The following MOB3A variants were observed in gnomAD, a reference collection of about 807,000 sequenced individuals.
MOB3A encodes MOB LAK.
MOB3A carries 17 observed loss-of-function variants against 17.8 expected under a neutral mutation model. The ratio of observed to expected loss-of-function variants is 0.95; its 90% CI spans 0.65 to 1.43. The LOEUF (loss-of-function observed/expected upper bound fraction) is 1.43, where lower values mean the gene tolerates loss of function less well. MOB3A is among the 40% of genes most tolerant of loss of function. The pLI, the probability that MOB3A is intolerant of heterozygous loss-of-function variation, is 0.00. For synonymous variants in MOB3A, 124 were observed against 133.2 expected (o/e 0.93, Z 0.48); for missense variants, 333 against 310.8 (o/e 1.07, Z -0.54).
intron 4 of MOB3A, 137 bp downstream of exon 4, chr19:2,076,674 C>T (rs906652385): frequency 2.5e-6 from 2 of 810,634 alleles, no homozygotes; most frequent in African/African-American, 1.7e-5. Context: ...GCAGGGTCCC[C>T]GGGGCCCAAC....
At chr19:2,087,410 T>G (rs1316432826) in intron 1 of MOB3A, among the ~76,000 whole-genome samples, 2 of 152,128 alleles carry the variant, frequency 1.3e-5, no homozygotes, top group Admixed American at 6.5e-5. Context: ...CCTGGCACTT[T>G]GGGAGGCCAA....
chr19:2,081,468 A>G (rs776683744), intron 2 of MOB3A, among the ~76,000 whole-genome samples: 54 of 152,160 alleles, frequency 3.5e-4, no homozygotes, highest in East Asian at 3.1e-3. Flanking sequence ...GGCGCCTGTA[A>G]TCCCAGCTAC....
At position 2,073,259 on chromosome 19, in the gene MOB3A, C is replaced by G; in HGVS notation, c.*136G>C. On this transcript the variant is annotated 3_prime_UTR_variant, in exon 5 of 5. Coordinates refer to ENST00000357066, the MANE Select transcript of MOB3A (RefSeq NM_130807.3). ...GGGTTGGAGCTCCTGAGGACCAACA[C>G]CTGCTCAGCGGCTCGGCCCCTGGTC... 8.9e-7 allele frequency: 1 copy of G among 1,117,610 alleles called. No individual in the cohort carries two copies. Among genetic ancestry groups the G allele is most frequent in the Non-Finnish European group, 1.3e-6 (1 of 756,682 alleles). The allele number at this position is 1,117,610 out of a possible 1,614,324, so 69.2% of individuals were successfully genotyped here. A position where few individuals can be genotyped will look rare whatever the true frequency, so the allele number is the denominator to read the frequency against.
chr19:2,072,934 A>G lies in MOB3A; in HGVS notation c.*461T>C, dbSNP rs547416334. On this transcript the variant is annotated 3_prime_UTR_variant, in exon 5 of 5. Transcript: ENST00000357066. ...AGCCCCTCAGCCTCTTGCCTCCCCA[A>G]CGGGAGACATGTAGGAGGCCGAGCA... 4.8e-5 allele frequency: 8 copies of G among 166,472 alleles called. No individual in the cohort carries two copies. The highest frequency in any genetic ancestry group is 6.5e-5 in the Non-Finnish European group (5 of 77,206). 10.3% of individuals were successfully genotyped at this position (166,472 alleles called of 1,614,324 possible).
rs2017449861 is a variant in MOB3A at position 2,078,692 on chromosome 19, G to A, written c.-119-13C>T. ...CTCTCCCGCGGACCTGAAATACACA[G>A]GGGAATCATGACCTGCTGGAGGCGA... On this transcript the variant is annotated splice_polypyrimidine_tract_variant and intron_variant, in intron 2 of 4. Transcript: ENST00000357066. 1 of 860,122 alleles carries A rather than the reference G, an allele frequency of 1.2e-6. No homozygotes were observed. Among genetic ancestry groups the A allele is most frequent in the Admixed American group, 2.9e-5 (1 of 33,936 alleles). 53.3% of individuals were successfully genotyped at this position (860,122 alleles called of 1,614,324 possible).
At chr19:2,080,724 C>T (rs753436565) in intron 2 of MOB3A, among the ~76,000 whole-genome samples, 12 of 152,148 alleles carry the variant, frequency 7.9e-5, no homozygotes, top group South Asian at 4.1e-4. Flanking sequence ...TCATCCCTCA[C>T]GATACATGAC....
intron 1 of MOB3A, among the ~76,000 whole-genome samples, chr19:2,090,742 C>A (rs2017604580): frequency 6.6e-6 from 1 of 152,160 alleles, no homozygotes; most frequent in Non-Finnish European, 1.5e-5. Flanking sequence ...CGTCTCACTG[C>A]AACCTCCGCC....
intron 2 of MOB3A, among the ~76,000 whole-genome samples, chr19:2,081,767 C>T (rs570401595): frequency 1.3e-5 from 2 of 152,140 alleles, no homozygotes; most frequent in East Asian, 3.9e-4. Context: ...GCCTGAAATT[C>T]CGGCTACTTG....
At chr19:2,094,320 C>T (rs1180729813) in intron 1 of MOB3A, among the ~76,000 whole-genome samples, 3 of 152,100 alleles carry the variant, frequency 2.0e-5, no homozygotes, top group African/African-American at 7.2e-5. Flanking sequence ...GTGTTGGGAT[C>T]ACAGGCACGA....
chr19:2,096,036 G>A (rs1209313846), intron 1 of MOB3A, among the ~76,000 whole-genome samples, 190 bp downstream of exon 1: 1 of 151,890 alleles, frequency 6.6e-6, no homozygotes, highest in Non-Finnish European at 1.5e-5. Context: ...GAGCCACCGC[G>A]CCCGGCCTCG....
At chr19:2,083,248 T>TC (rs1264282142) in intron 2 of MOB3A, among the ~76,000 whole-genome samples, 1 of 152,090 alleles carries the variant, frequency 6.6e-6, no homozygotes, top group Non-Finnish European at 1.5e-5. Context: ...GCTTATGGTA[T>TC]CCCCCGGGGC....
At chr19:2,086,434 C>A (rs187836549) in intron 1 of MOB3A, among the ~76,000 whole-genome samples, 36 of 151,936 alleles carry the variant, frequency 2.4e-4, no homozygotes, top group African/African-American at 6.5e-4. Context: ...GATCTCGGCT[C>A]ACTGCAACCT....
chr19:2,095,177 A>AAAAC lies in MOB3A; in HGVS notation c.-274+1045_-274+1048dup, dbSNP rs139411390. The AAAAC allele has an allele frequency of 9.7e-3, 1,481 of 152,168 alleles. 18 individuals are homozygous for AAAAC. The highest frequency in any genetic ancestry group is 0.028 in the African/African-American group (1,135 of 41,150). The allele number at this position is 152,168 out of a possible 1,614,324, so 9.4% of individuals were successfully genotyped here. On this transcript the variant is annotated intron_variant, in intron 1 of 4. Coordinates refer to ENST00000357066, the MANE Select transcript of MOB3A (RefSeq NM_130807.3). ...GAGTGAGACTCCAAACTCCGTCTCA[A>AAAAC]AAACAAACAAACAAACAAACAAACA...
At chr19:2,080,106 G>A (rs534789853) in intron 2 of MOB3A, among the ~76,000 whole-genome samples, 63 of 152,330 alleles carry the variant, frequency 4.1e-4, no homozygotes, top group African/African-American at 1.5e-3. Context: ...CGCCGGCACC[G>A]TGGCAGGCCC....
intron 4 of MOB3A, among the ~76,000 whole-genome samples, chr19:2,074,889 T>C (rs1009013822): frequency 7.9e-5 from 12 of 152,114 alleles, no homozygotes; most frequent in African/African-American, 1.2e-4. Context: ...AGCTAATTTT[T>C]TGTATTTTTA....
chr19:2,077,043 G>C, intron 3 of MOB3A, 30 bp from the exon 4 acceptor site: 1 of 1,588,960 alleles, frequency 6.3e-7, no homozygotes, highest in Non-Finnish European at 8.6e-7. Flanking sequence ...ACGGGTCCAC[G>C]GACTCAGCCA....
In MOB3A at chr19:2,092,082, GT is replaced by G. The variant is rs1219970948; in HGVS notation, c.-274+4143del. 2.1e-3 allele frequency among the ~76,000 whole-genome samples: 254 copies of G among 118,884 alleles called. 1 individual carries two copies. Among genetic ancestry groups the G allele is most frequent in the Admixed American group, 4.8e-3 (55 of 11,538 alleles). 78.0% of individuals were successfully genotyped at this position (118,884 alleles called of 152,430 possible). A position where few individuals can be genotyped will look rare whatever the true frequency, so the allele number is the denominator to read the frequency against. On this transcript the variant is annotated intron_variant, in intron 1 of 4. Coordinates refer to ENST00000357066, the MANE Select transcript of MOB3A (RefSeq NM_130807.3). ...GGAACTATTGTGTCTGGAAGGAAAGGTTTTTTTTTTTTTTTTTTTTAGCTGC... is the reference window on the plus strand; with the variant it reads ...GGAACTATTGTGTCTGGAAGGAAAGGTTTTTTTTTTTTTTTTTTTAGCTGC...
chr19:2,084,059 AC>A, intron 2 of MOB3A: 1 of 443,426 alleles, frequency 2.3e-6, no homozygotes, highest in South Asian at 1.6e-5. Context: ...GGCGTGAGCC[AC>A]CGTGCCTGGC....
chr19:2,092,034 G>T (rs1225454418), intron 1 of MOB3A, among the ~76,000 whole-genome samples: 2 of 146,840 alleles, frequency 1.4e-5, no homozygotes, highest in African/African-American at 2.5e-5. Context: ...ATAATAAATT[G>T]CTACAACCAT....
Sources: gnomAD v4.1 joint callset for allele counts (sites outside exome capture counted in the v4.1 genomes callset) on GRCh38, gnomAD v4.1.1 for gene constraint, MANE v1.5 for transcripts, NCBI Gene and HGNC (gene_info 2026-07-23, HGNC 2026-07-21) for gene names.